Variants in MLLT3 observed in about 807,000 individuals in gnomAD.
MLLT3 encodes the protein protein AF-9.
Under a neutral mutation model 53.2 loss-of-function variants are expected in MLLT3, and 4 were observed. The observed-to-expected ratio is 0.08, with a 90% confidence interval of 0.04 to 0.17. The LOEUF (loss-of-function observed/expected upper bound fraction) is 0.17, where lower values mean the gene tolerates loss of function less well. Ranked by LOEUF, MLLT3 falls within the 10% of genes least tolerant of loss-of-function variation. The pLI is 1.00. For missense variants in MLLT3, 569 were observed against 684.0 expected (o/e 0.83, Z 1.87); for synonymous variants, 283 against 230.6 (o/e 1.23, Z -2.06).
intron 2 of MLLT3, among the ~76,000 whole-genome samples, chr9:20,499,503 C>A (rs1309293963): frequency 6.6e-6 from 1 of 152,166 alleles, no homozygotes; most frequent in African/African-American, 2.4e-5. Flanking sequence ...AAAAAACACA[C>A]ACTGAACAAT....
chr9:20,468,563 T>C (rs566035773), intron 2 of MLLT3, among the ~76,000 whole-genome samples: 2 of 152,262 alleles, frequency 1.3e-5, no homozygotes, highest in African/African-American at 2.4e-5. Flanking sequence ...GAGTAGAAAA[T>C]GGAAATGTAA....
intron 8 of MLLT3, among the ~76,000 whole-genome samples, chr9:20,356,206 A>T (rs1485138080): frequency 6.6e-6 from 1 of 152,224 alleles, no homozygotes; most frequent in African/African-American, 2.4e-5. Flanking sequence ...GCACGAGTAA[A>T]AAGTGTCCTT....
intron 4 of MLLT3, among the ~76,000 whole-genome samples, chr9:20,425,258 A>G (rs1343411654): frequency 5.3e-5 from 8 of 152,316 alleles, no homozygotes; most frequent in Admixed American, 5.2e-4. Flanking sequence ...CAAATGGGTT[A>G]GATTCTCATG....
At chr9:20,519,628 T>C (rs1222756727) in intron 2 of MLLT3, among the ~76,000 whole-genome samples, 1 of 152,066 alleles carries the variant, frequency 6.6e-6, no homozygotes, top group Admixed American at 6.6e-5. Context: ...AGAGAAATAC[T>C]AATCAAAACC....
rs894323986 is a variant in MLLT3, at chr9:20,344,460, G to A, written c.*1983C>T. On this transcript the variant is annotated 3_prime_UTR_variant, in exon 11 of 11. Coordinates refer to ENST00000380338, the MANE Select transcript of MLLT3 (RefSeq NM_004529.4). The stretch of plus-strand genomic sequence containing the variant: ...CCAGCTATAAAGTTAAAAACAAAAC[G>A]CAACTGAAACCACACAATTCATCAA... 2.8e-5 allele frequency: 6 copies of A among 217,902 alleles called. No individual in the cohort carries two copies. Among genetic ancestry groups the A allele is most frequent in the African/African-American group, 9.0e-5 (4 of 44,428 alleles). 13.5% of individuals were successfully genotyped at this position (217,902 alleles called of 1,614,324 possible).
intron 2 of MLLT3, among the ~76,000 whole-genome samples, chr9:20,606,647 C>T (rs1038598073): frequency 2.6e-5 from 4 of 152,054 alleles, no homozygotes; most frequent in African/African-American, 9.7e-5. Flanking sequence ...TCTTTCAATG[C>T]CTTAAACAGT....
rs114825800 is a variant in MLLT3, at chr9:20,586,492, G to A, written c.193+34162C>T. 7.0e-3 allele frequency among the ~76,000 whole-genome samples: 1,072 copies of A among 152,160 alleles called. 12 individuals carry two copies. The highest frequency in any genetic ancestry group is 0.022 in the African/African-American group (901 of 41,516). On this transcript the variant is annotated intron_variant, in intron 2 of 10. Transcript: ENST00000380338. The stretch of plus-strand genomic sequence containing the variant: ...GTACATAACCCCTAGAAAATCACTG[G>A]GGGGCTTAGGGGTGGCAGTGGACTG...
At chr9:20,593,212 A>C (rs925300487) in intron 2 of MLLT3, among the ~76,000 whole-genome samples, 1 of 152,178 alleles carries the variant, frequency 6.6e-6, no homozygotes, top group African/African-American at 2.4e-5. Flanking sequence ...TCTGACTCAA[A>C]TCCGTTTCTT....
chr9:20,488,386 T>C (rs6475443), intron 2 of MLLT3, among the ~76,000 whole-genome samples: 39,711 of 151,676 alleles, frequency 0.26, 5,821 homozygotes, highest in East Asian at 0.63. Context: ...TTTACCACAA[T>C]AAAAAAGAAA....
At chr9:20,439,339 G>A (rs1823488164) in intron 4 of MLLT3, among the ~76,000 whole-genome samples, 1 of 150,772 alleles carries the variant, frequency 6.6e-6, no homozygotes, top group Non-Finnish European at 1.5e-5. Context: ...TTGGGTGACA[G>A]AGCAAGACTC....
intron 2 of MLLT3, among the ~76,000 whole-genome samples, chr9:20,492,227 A>G (rs1362737313): frequency 1.3e-5 from 2 of 152,040 alleles, no homozygotes; most frequent in African/African-American, 4.8e-5. Context: ...TAAATTGCAT[A>G]TATCTATTTA....
chr9:20,513,215 C>G (rs1817804529), intron 2 of MLLT3, among the ~76,000 whole-genome samples: 1 of 152,196 alleles, frequency 6.6e-6, no homozygotes, highest in Non-Finnish European at 1.5e-5. Flanking sequence ...TCACAGGAAA[C>G]TGGTTTATAC....
intron 2 of MLLT3, among the ~76,000 whole-genome samples, chr9:20,562,657 G>A (rs1459719323): frequency 6.6e-6 from 1 of 152,134 alleles, no homozygotes; most frequent in Non-Finnish European, 1.5e-5. Flanking sequence ...AGATACATGT[G>A]CAATTTTATA....
rs545643095 is a variant in MLLT3, at chr9:20,426,651, T to C, written c.421-12226A>G. Among the ~76,000 whole-genome samples, 9 of 152,256 alleles carry C rather than the reference T, an allele frequency of 5.9e-5. 1 individual carries two copies. The South Asian group carries it at 1.9e-3, about 32-fold the overall frequency. The stretch of plus-strand genomic sequence containing the variant: ...CATACGCAAAGGAATATGCTGAAAC[T>C]GTTAAATACTATGGCTTTGCAGAAA... On this transcript the variant is annotated intron_variant, in intron 4 of 10. Coordinates refer to ENST00000380338, the MANE Select transcript of MLLT3 (RefSeq NM_004529.4).
In MLLT3 at chr9:20,569,828, C is replaced by G. The variant is rs1819483657; in HGVS notation, c.193+50826G>C. 2.0e-5 allele frequency among the ~76,000 whole-genome samples: 3 copies of G among 152,306 alleles called. No homozygotes were observed. In the South Asian group the frequency reaches 6.2e-4, roughly 32 times the overall value. On this transcript the variant is annotated intron_variant, in intron 2 of 10. Transcript: ENST00000380338. ...ACCTATGTATACGTAAAGCTCAGTG[C>G]TTGACACTCAATGTGAAGCAGAAGC...
intron 2 of MLLT3, among the ~76,000 whole-genome samples, chr9:20,508,485 C>T (rs1825440794): frequency 6.6e-6 from 1 of 152,092 alleles, no homozygotes; most frequent in Non-Finnish European, 1.5e-5. Flanking sequence ...TTCTAGTCAA[C>T]AAAACCCCAG....
At chr9:20,584,052 C>T (rs1041260040) in intron 2 of MLLT3, among the ~76,000 whole-genome samples, 1 of 152,180 alleles carries the variant, frequency 6.6e-6, no homozygotes, top group African/African-American at 2.4e-5. Context: ...CAGCACCCAA[C>T]TCATCTCTTG....
intron 2 of MLLT3, among the ~76,000 whole-genome samples, chr9:20,522,964 AAAAT>A (rs543608557): frequency 4.6e-5 from 7 of 151,846 alleles, no homozygotes; most frequent in East Asian, 3.8e-4. Flanking sequence ...CCTGTCTTAA[AAAAT>A]AAATAAATAA....
At chr9:20,546,888 A>G (rs10115102) in intron 2 of MLLT3, among the ~76,000 whole-genome samples, 76,079 of 152,084 alleles carry the variant, frequency 0.5, 19,389 homozygotes, top group East Asian at 0.65. Context: ...CATAAACTGC[A>G]TGCCTTCTGC....
Sources: allele counts gnomAD v4.1 joint callset (sites outside exome capture counted in the v4.1 genomes callset), GRCh38; gene constraint gnomAD v4.1.1; transcripts MANE v1.5; gene names NCBI Gene and HGNC (gene_info 2026-07-23, HGNC 2026-07-21).